ADAMTSL1: variants seen among roughly 807,000 people sequenced by gnomAD.
The protein encoded by ADAMTSL1 is ADAMTS like 1, also known as ADAMTS-like protein 1.
ADAMTSL1 carries 126 observed loss-of-function variants against 201.8 expected under a neutral mutation model. The ratio of observed to expected loss-of-function variants is 0.62; its 90% CI spans 0.54 to 0.72. The LOEUF (loss-of-function observed/expected upper bound fraction) is 0.72, where lower values mean the gene tolerates loss of function less well. Among genes scored for constraint, ADAMTSL1 ranks in the 30% least tolerant of loss-of-function variants. ADAMTSL1 has a pLI of 0.00. For synonymous variants in ADAMTSL1, 1,121 were observed against 903.4 expected, an observed-to-expected ratio of 1.24 and a Z score of -4.32; for missense variants, 2,679 against 2,277.8, an observed-to-expected ratio of 1.18 and a Z score of -3.59.
At position 18,777,193 on chromosome 9, in the gene ADAMTSL1, G is replaced by T. The variant is rs768211626; in HGVS notation, c.2964G>T (p.Pro988=). 6.2e-7 allele frequency: 1 copy of T among 1,612,850 alleles called. No individual in the cohort carries two copies. The highest frequency in any genetic ancestry group is 1.1e-5 in the South Asian group (1 of 91,080). The change falls in exon 19 of 29, where the codon CCG becomes CCT. Residue 988 remains proline (P), a synonymous_variant. Coordinates refer to ENST00000380548, the MANE Select transcript of ADAMTSL1 (RefSeq NM_001040272.6). The part of the protein sequence containing the change: ...EEVLAGRKGG[P]KEALQTHKHQ... ...TGCTTGCGGGGAGGAAGGGCGGCCC[G>T]AAGGAGGCCCTGCAGACCCACAAAC...
At chr9:18,251,711 A>T (rs1231284036) in intron 2 of ADAMTSL1, among the ~76,000 whole-genome samples, 1 of 152,198 alleles carries the variant, frequency 6.6e-6, no homozygotes, top group Non-Finnish European at 1.5e-5. Context: ...ACAAATTGTT[A>T]TCAGTTGTTT....
chr9:18,656,168 A>G (rs1314156088), intron 7 of ADAMTSL1, among the ~76,000 whole-genome samples: 1 of 152,030 alleles, frequency 6.6e-6, no homozygotes, highest in Non-Finnish European at 1.5e-5. Context: ...TGTAGAGTTT[A>G]GCATCCATCA....
intron 15 of ADAMTSL1, among the ~76,000 whole-genome samples, chr9:18,737,727 T>C (rs960410733): frequency 1.3e-5 from 2 of 152,238 alleles, no homozygotes; most frequent in African/African-American, 4.8e-5. Flanking sequence ...TCCCATTTTA[T>C]CTGTGAGAAA....
At chr9:18,393,799 A>G (rs997719135) in intron 2 of ADAMTSL1, among the ~76,000 whole-genome samples, 2 of 152,118 alleles carry the variant, frequency 1.3e-5, no homozygotes, top group African/African-American at 4.8e-5. Context: ...CCATCCCACA[A>G]CCTTGAAGGA....
intron 4 of ADAMTSL1, among the ~76,000 whole-genome samples, chr9:18,602,969 T>A (rs1312491441): frequency 6.6e-6 from 1 of 152,154 alleles, no homozygotes; most frequent in Non-Finnish European, 1.5e-5. Context: ...ATAGGCAACT[T>A]CTAAGAGGTA....
At chr9:18,349,180 C>A (rs1835853556) in intron 2 of ADAMTSL1, among the ~76,000 whole-genome samples, 1 of 152,146 alleles carries the variant, frequency 6.6e-6, no homozygotes, top group Non-Finnish European at 1.5e-5. Flanking sequence ...AGATGAGGCA[C>A]TTGAATATTT....
intron 4 of ADAMTSL1, among the ~76,000 whole-genome samples, chr9:18,618,582 CAA>C (rs35996734): frequency 1.1e-4 from 15 of 132,232 alleles, no homozygotes; most frequent in Admixed American, 1.5e-4. Context: ...TATTCTCTCA[CAA>C]AAAAAAAAAA....
At chr9:18,221,969 T>G (rs1210956121) in intron 2 of ADAMTSL1, among the ~76,000 whole-genome samples, 3 of 151,974 alleles carry the variant, frequency 2.0e-5, no homozygotes, top group Non-Finnish European at 4.4e-5. Context: ...CAGACTCTAT[T>G]ATAAAGTACA....
chr9:17,913,331 T>G (rs1446389609), intron 1 of ADAMTSL1, among the ~76,000 whole-genome samples: 3 of 152,222 alleles, frequency 2.0e-5, no homozygotes, highest in Non-Finnish European at 4.4e-5. Context: ...CCCATGAGCA[T>G]GGAATGTTCT....
At chr9:17,964,863 ATTTCT>A (rs960259018) in intron 1 of ADAMTSL1, among the ~76,000 whole-genome samples, 4 of 151,824 alleles carry the variant, frequency 2.6e-5, no homozygotes, top group African/African-American at 4.8e-5. Flanking sequence ...CTTCATCTGG[ATTTCT>A]TTTCTTTTCT....
At chr9:17,916,829 T>C (rs900475739) in intron 1 of ADAMTSL1, among the ~76,000 whole-genome samples, 6 of 152,160 alleles carry the variant, frequency 3.9e-5, no homozygotes, top group Non-Finnish European at 8.8e-5. Context: ...CATGCGGGGA[T>C]TTGATTAGGA....
chr9:18,602,913 T>C (rs2132548322), intron 4 of ADAMTSL1, among the ~76,000 whole-genome samples: 1 of 152,326 alleles, frequency 6.6e-6, no homozygotes, highest in African/African-American at 2.4e-5. Flanking sequence ...TCTCTGAATT[T>C]TTGATACTTA....
chr9:18,079,724 A>C (rs1823400744), intron 1 of ADAMTSL1, among the ~76,000 whole-genome samples: 1 of 150,152 alleles, frequency 6.7e-6, no homozygotes, highest in East Asian at 1.9e-4. Flanking sequence ...TAAATAAATA[A>C]ATAAAATAAA....
At chr9:18,313,005 T>C (rs550226242) in intron 2 of ADAMTSL1, among the ~76,000 whole-genome samples, 121 of 152,338 alleles carry the variant, frequency 7.9e-4, no homozygotes, top group Admixed American at 2.6e-3. Flanking sequence ...ATAAAGGTTC[T>C]TCTTTTATAC....
intron 21 of ADAMTSL1, among the ~76,000 whole-genome samples, chr9:18,820,478 C>G (rs1021917224): frequency 1.3e-5 from 2 of 152,162 alleles, no homozygotes; most frequent in African/African-American, 2.4e-5. Flanking sequence ...CCAAACTCAA[C>G]CACAGCTGAC....
chr9:18,326,083 G>A (rs1247154101), intron 2 of ADAMTSL1, among the ~76,000 whole-genome samples: 1 of 152,094 alleles, frequency 6.6e-6, no homozygotes, highest in East Asian at 1.9e-4. Context: ...CAGCCCTCAT[G>A]GCCTAATGAC....
intron 2 of ADAMTSL1, among the ~76,000 whole-genome samples, chr9:18,179,585 A>G (rs1458581847): frequency 6.6e-6 from 1 of 152,176 alleles, no homozygotes; most frequent in Non-Finnish European, 1.5e-5. Flanking sequence ...CAGATTCACC[A>G]AAGTTGAAAT....
At chr9:18,435,011 T>C (rs930875968) in intron 2 of ADAMTSL1, among the ~76,000 whole-genome samples, 7 of 152,192 alleles carry the variant, frequency 4.6e-5, no homozygotes, top group Admixed American at 4.6e-4. Flanking sequence ...TGGGTCACAA[T>C]AGATGCTAAA....
chr9:18,182,702 T>C (rs1474840570), intron 2 of ADAMTSL1, among the ~76,000 whole-genome samples: 1 of 152,186 alleles, frequency 6.6e-6, no homozygotes, highest in Non-Finnish European at 1.5e-5. Flanking sequence ...TGTGACATAA[T>C]GGCAGACATT....
Sources: gnomAD v4.1 joint callset for allele counts (sites outside exome capture counted in the v4.1 genomes callset) on GRCh38, gnomAD v4.1.1 for gene constraint, MANE v1.5 for transcripts, NCBI Gene and HGNC (gene_info 2026-07-23, HGNC 2026-07-21) for gene names.